Variants in GAS7 observed in about 807,000 individuals in gnomAD.
The protein encoded by GAS7 is growth arrest-specific protein 7.
A neutral mutation model predicts 71.1 loss-of-function variants in GAS7; 28 were observed. That is an observed-to-expected ratio of 0.39 (90% confidence interval 0.29 to 0.54). The LOEUF (loss-of-function observed/expected upper bound fraction) is 0.54. Among genes scored for constraint, GAS7 ranks in the 20% least tolerant of loss-of-function variants. The probability of loss-of-function intolerance (pLI) is 0.62; values close to 1 mark genes in which losing one functional copy is unlikely to be tolerated. For synonymous variants in GAS7, 258 were observed against 245.8 expected (o/e 1.05, Z -0.46); for missense variants, 436 against 627.8 (o/e 0.69, Z 3.27).
At chr17:10,119,651 C>G (rs1052210785) in intron 1 of GAS7, among the ~76,000 whole-genome samples, 1 of 152,222 alleles carries the variant, frequency 6.6e-6, no homozygotes, top group African/African-American at 2.4e-5. Context: ...AATCACAACT[C>G]AGTGGTTTCT....
At chr17:10,162,361 T>G (rs1031401647) in intron 1 of GAS7, among the ~76,000 whole-genome samples, 2 of 152,220 alleles carry the variant, frequency 1.3e-5, no homozygotes, top group Admixed American at 1.3e-4. Flanking sequence ...ATTTTATGAA[T>G]GGTGTGAACC....
chr17:9,953,697 C>T (rs1292053224), intron 5 of GAS7, among the ~76,000 whole-genome samples: 1 of 152,252 alleles, frequency 6.6e-6, no homozygotes, highest in African/African-American at 2.4e-5. Flanking sequence ...CTGCTCAGTG[C>T]CACGTGCTAC....
chr17:10,086,645 G>A (rs1177572118), intron 1 of GAS7, among the ~76,000 whole-genome samples: 1 of 152,230 alleles, frequency 6.6e-6, no homozygotes, highest in Non-Finnish European at 1.5e-5. Context: ...GGGAGGTGCA[G>A]AATTCTGATT....
intron 1 of GAS7, among the ~76,000 whole-genome samples, chr17:10,037,111 G>A (rs1233509154): frequency 6.6e-6 from 1 of 152,222 alleles, no homozygotes; most frequent in African/African-American, 2.4e-5. Context: ...CCAGAGGGGC[G>A]AGATGAAGGT....
chr17:10,196,216 G>A (rs1024940142), intron 1 of GAS7, among the ~76,000 whole-genome samples: 1 of 152,166 alleles, frequency 6.6e-6, no homozygotes, highest in African/African-American at 2.4e-5. Context: ...AGGCACAGGC[G>A]CAGGGGGTGA....
intron 1 of GAS7, among the ~76,000 whole-genome samples, chr17:10,028,850 T>C (rs1454231876): frequency 6.6e-6 from 1 of 152,166 alleles, no homozygotes; most frequent in Non-Finnish European, 1.5e-5. Context: ...ACGAGAATTG[T>C]TTTTTCCCCA....
chr17:10,181,565 C>T (rs372207738), intron 1 of GAS7, among the ~76,000 whole-genome samples: 9 of 151,966 alleles, frequency 5.9e-5, no homozygotes, highest in South Asian at 2.1e-4. Flanking sequence ...ACATCATGCA[C>T]GTGAATAAAT....
At chr17:10,095,151 C>T (rs8080434) in intron 1 of GAS7, among the ~76,000 whole-genome samples, 2,468 of 152,258 alleles carry the variant, frequency 0.016, 32 homozygotes, top group Non-Finnish European at 0.024. Context: ...CTCTTATGGA[C>T]GCTGAATGTG....
At chr17:10,090,680 T>G (rs745822508) in intron 1 of GAS7, among the ~76,000 whole-genome samples, 2 of 152,144 alleles carry the variant, frequency 1.3e-5, no homozygotes, top group Non-Finnish European at 2.9e-5. Context: ...TCAATGCCAG[T>G]GCATTTCACA....
Position 9,919,810 on chromosome 17 carries a change from T to C in GAS7, c.1139-105A>G, listed in dbSNP as rs113253665. 6.6e-4 allele frequency: 560 copies of C among 845,688 alleles called. 4 individuals are homozygous for C. In the African/African-American group the frequency reaches 8.0e-3, roughly 12 times the overall value. 52.4% of individuals were successfully genotyped at this position (845,688 alleles called of 1,614,324 possible). A position where few individuals can be genotyped will look rare whatever the true frequency, so the allele number is the denominator to read the frequency against. On this transcript the variant is annotated intron_variant, in intron 11 of 13. Transcript: ENST00000432992. The surrounding 1 kb of genome is among the most constrained non-coding windows in gnomAD (Gnocchi z 5.0). Reference sequence around the variant, plus strand: ...AAGCCTTCTCCTCCCCCTGGGGTCATGGTGGCCGCTGGAAAGCTGGAAAAG... The same window carrying C: ...AAGCCTTCTCCTCCCCCTGGGGTCACGGTGGCCGCTGGAAAGCTGGAAAAG...
intron 4 of GAS7, among the ~76,000 whole-genome samples, chr17:9,961,891 C>G (rs1236588615): frequency 6.6e-6 from 1 of 152,182 alleles, no homozygotes; most frequent in African/African-American, 2.4e-5. Context: ...AGACCTGAGA[C>G]AATATTTTGT....
chr17:9,943,316 C>T, intron 6 of GAS7, 80 bp from the exon 7 acceptor site: 2 of 810,820 alleles, frequency 2.5e-6, no homozygotes, highest in South Asian at 1.4e-5. Context: ...GGGAGGACGG[C>T]TCCTAGATGT....
intron 2 of GAS7, among the ~76,000 whole-genome samples, chr17:10,013,412 T>C (rs532264719): frequency 5.9e-5 from 9 of 152,310 alleles, no homozygotes; most frequent in African/African-American, 2.2e-4. Flanking sequence ...TCCCAAACCG[T>C]TAGCAACACA....
rs147364419 is a variant in GAS7 at position 10,139,758 on chromosome 17, C to T, written c.183+58450G>A. On this transcript the variant is annotated intron_variant, in intron 1 of 13. Transcript: ENST00000432992. Reference sequence around the variant, plus strand: ...AGGAAGATTTCTGGGAGATATGGTGCGGGAAAGGGAAGAAGCAGAGATTCT... The same window carrying T: ...AGGAAGATTTCTGGGAGATATGGTGTGGGAAAGGGAAGAAGCAGAGATTCT... 1.2e-4 allele frequency among the ~76,000 whole-genome samples: 19 copies of T among 152,256 alleles called. No individual in the cohort carries two copies. In the East Asian group the frequency reaches 2.9e-3, roughly 23 times the overall value.
intron 1 of GAS7, among the ~76,000 whole-genome samples, chr17:10,122,463 C>A (rs188678039): frequency 6.6e-6 from 1 of 152,180 alleles, no homozygotes; most frequent in African/African-American, 2.4e-5. Flanking sequence ...CAGAACAAAG[C>A]GAGAAAGGCC....
chr17:10,105,074 C>G (rs181311305), intron 1 of GAS7, among the ~76,000 whole-genome samples: 2 of 152,354 alleles, frequency 1.3e-5, no homozygotes, highest in Admixed American at 1.3e-4. Flanking sequence ...CCCTGACCTT[C>G]TAGCTCTGTG....
intron 4 of GAS7, among the ~76,000 whole-genome samples, chr17:9,963,555 G>A (rs2069586731): frequency 6.6e-6 from 1 of 152,038 alleles, no homozygotes; most frequent in African/African-American, 2.4e-5. Flanking sequence ...ATCCTGGACT[G>A]GGGAGAAAAG....
chr17:10,016,640 T>C (rs1174757558), intron 2 of GAS7, among the ~76,000 whole-genome samples: 1 of 138,874 alleles, frequency 7.2e-6, no homozygotes, highest in Middle Eastern at 3.7e-3. Flanking sequence ...CAAAAAAAAC[T>C]GTTTTTAGGC....
chr17:9,937,598 G>T (rs961288427), intron 8 of GAS7, among the ~76,000 whole-genome samples: 2 of 152,252 alleles, frequency 1.3e-5, no homozygotes, highest in South Asian at 4.1e-4. Context: ...GGCAGGGAGG[G>T]TGAGAACCAT....
Sources: allele counts gnomAD v4.1 joint callset (sites outside exome capture counted in the v4.1 genomes callset), GRCh38; gene constraint gnomAD v4.1.1; non-coding constraint Gnocchi (gnomAD v3.1); transcripts MANE v1.5; gene names NCBI Gene and HGNC (gene_info 2026-07-23, HGNC 2026-07-21).